The following DCDC2 variants were observed in gnomAD, a reference collection of about 807,000 sequenced individuals.
The protein encoded by DCDC2 is doublecortin domain-containing protein 2.
A neutral mutation model predicts 50.2 loss-of-function variants in DCDC2; 40 were observed. The ratio of observed to expected loss-of-function variants is 0.80; its 90% CI spans 0.62 to 1.04. The LOEUF (loss-of-function observed/expected upper bound fraction) is 1.04. DCDC2 is among the 50% of genes least tolerant of loss of function. The pLI is 0.00. For missense variants in DCDC2, 570 were observed against 581.9 expected (o/e 0.98, Z 0.21); for synonymous variants, 234 against 210.6 (o/e 1.11, Z -0.96).
intron 7 of DCDC2, among the ~76,000 whole-genome samples, chr6:24,258,813 C>T (rs1762950343): frequency 6.6e-6 from 1 of 152,150 alleles, no homozygotes; most frequent in Non-Finnish European, 1.5e-5. Flanking sequence ...GCTCACCTGC[C>T]TCAACCAATC....
chr6:24,360,315 C>A (rs947822698), upstream of DCDC2, among the ~76,000 whole-genome samples: 2 of 152,154 alleles, frequency 1.3e-5, no homozygotes, highest in Admixed American at 6.5e-5. Flanking sequence ...ATTCATCATG[C>A]GCTCATTCAG....
At chr6:24,248,714 T>G (rs73726632) in intron 7 of DCDC2, among the ~76,000 whole-genome samples, 9,656 of 152,230 alleles carry the variant, frequency 0.063, 573 homozygotes, top group East Asian at 0.36. Flanking sequence ...ATTGATGACT[T>G]ACCCAGATGA....
At position 24,302,132 on chromosome 6, in the gene DCDC2, A is replaced by G. The variant is rs10223520; in HGVS notation, c.349-88T>C. ...GAGGAAAATCTACAGTTTCTAGGGA[A>G]CTGCCTGAGACTTCCTGTGCCTTTG... On this transcript the variant is annotated intron_variant, in intron 2 of 9. Transcript: ENST00000378454. 128 of 1,093,444 alleles carry G rather than the reference A, an allele frequency of 1.2e-4. 1 individual carries two copies. The African/African-American group carries it at 1.5e-3, about 13-fold the overall frequency. The allele number at this position is 1,093,444 out of a possible 1,614,324, so 67.7% of individuals were successfully genotyped here.
chr6:24,249,164 G>T (rs1762746157), intron 7 of DCDC2, among the ~76,000 whole-genome samples: 1 of 3,160 alleles, frequency 3.2e-4, no homozygotes, highest in Admixed American at 6.3e-3. Context: ...CTAAACAAAG[G>T]AATTAGAGTG....
chr6:24,358,119 G>A (rs1033948981), upstream of DCDC2: 1 of 583,074 alleles, frequency 1.7e-6, no homozygotes, highest in African/African-American at 1.9e-5. Context: ...GGGCAGGAGA[G>A]AGGAGGACGC....
At chr6:24,191,590 G>T (rs6456598) in intron 8 of DCDC2, among the ~76,000 whole-genome samples, 150,947 of 152,320 alleles carry the variant, frequency 0.99, 74,804 homozygotes, top group East Asian at 1. Flanking sequence ...TTGTTAGCCC[G>T]GTGCCAGCCA....
intron 4 of DCDC2, among the ~76,000 whole-genome samples, chr6:24,292,678 G>T (rs1048863409): frequency 6.6e-6 from 1 of 152,182 alleles, no homozygotes; most frequent in African/African-American, 2.4e-5. Context: ...GACCAGCCTG[G>T]GCAACATAGT....
chr6:24,229,685 T>C (rs938582402), intron 7 of DCDC2, among the ~76,000 whole-genome samples: 5 of 152,218 alleles, frequency 3.3e-5, no homozygotes, highest in Non-Finnish European at 5.9e-5. Flanking sequence ...CAAATTCTAA[T>C]GACTTTTTAA....
At chr6:24,290,712 T>C (rs750742105) in intron 5 of DCDC2, among the ~76,000 whole-genome samples, 1 of 152,174 alleles carries the variant, frequency 6.6e-6, no homozygotes, top group African/African-American at 2.4e-5. Flanking sequence ...AAAAACCATG[T>C]AGTCTTTCAT....
chr6:24,275,781 CT>C lies in DCDC2; in HGVS notation c.922+2267del, dbSNP rs564439817. ...ATACTATTTGCTTCAATAATAAACA[CT>C]TTTTTTTATCTTCATGCCCACCAAC... On this transcript the variant is annotated intron_variant, in intron 7 of 9. Coordinates refer to ENST00000378454, the MANE Select transcript of DCDC2 (RefSeq NM_016356.5). Among the ~76,000 whole-genome samples, 27 of 151,024 alleles carry C rather than the reference CT, an allele frequency of 1.8e-4. No homozygotes were observed. In the South Asian group the frequency reaches 3.4e-3, roughly 19 times the overall value.
chr6:24,346,323 T>G (rs967343979), intron 2 of DCDC2, among the ~76,000 whole-genome samples: 5 of 152,136 alleles, frequency 3.3e-5, no homozygotes, highest in Non-Finnish European at 7.3e-5. Context: ...CCAAGAAGCA[T>G]GGCCACAGGC....
chr6:24,218,312 C>T (rs1762023830), intron 7 of DCDC2, among the ~76,000 whole-genome samples: 2 of 152,070 alleles, frequency 1.3e-5, no homozygotes, highest in South Asian at 2.1e-4. Flanking sequence ...TCAAAACAAA[C>T]CAGCCAGCAT....
intron 2 of DCDC2, among the ~76,000 whole-genome samples, chr6:24,327,986 A>G (rs2127237154): frequency 6.6e-6 from 1 of 152,348 alleles, no homozygotes; most frequent in East Asian, 1.9e-4. Flanking sequence ...AAGCACAAAG[A>G]AATGAGATTC....
intron 8 of DCDC2, among the ~76,000 whole-genome samples, chr6:24,188,119 G>C (rs79347919): frequency 0.015 from 2,283 of 152,280 alleles, 53 homozygotes; most frequent in African/African-American, 0.052. Flanking sequence ...ACTGTCACCT[G>C]GGGACCTTGT....
chr6:24,260,580 G>C (rs1018343362), intron 7 of DCDC2, among the ~76,000 whole-genome samples: 2 of 152,148 alleles, frequency 1.3e-5, no homozygotes, highest in African/African-American at 4.8e-5. Flanking sequence ...TTGAACAGCT[G>C]CCTTATATCC....
At chr6:24,246,611 G>A (rs527430552) in intron 7 of DCDC2, among the ~76,000 whole-genome samples, 261 of 146,116 alleles carry the variant, frequency 1.8e-3, no homozygotes, top group Non-Finnish European at 2.4e-3. Context: ...CTCAGCCTCC[G>A]GAGTAGCTGG....
At position 24,342,353 on chromosome 6, in the gene DCDC2, C is replaced by T. The variant is rs554932168; in HGVS notation, c.348+11216G>A. 1.1e-4 allele frequency among the ~76,000 whole-genome samples: 16 copies of T among 152,260 alleles called. 1 individual carries two copies. In the East Asian group the frequency reaches 2.7e-3, roughly 26 times the overall value. ...ACTGTAAGTCAGAAAATCACAGCAT[C>T]GCATGTTTATTTGCATGGAAGAACT... On this transcript the variant is annotated intron_variant, in intron 2 of 9. Coordinates refer to ENST00000378454, the MANE Select transcript of DCDC2 (RefSeq NM_016356.5).
the DCDC2 span, among the ~76,000 whole-genome samples, chr6:24,372,069 C>A: frequency 9.2e-5 from 14 of 152,160 alleles, no homozygotes; most frequent in African/African-American, 2.7e-4. Context: ...GGCAATTCCT[C>A]AGGGATCTAG....
rs1290591226 is a variant in DCDC2 at position 24,236,072 on chromosome 6, T to C, written c.923-30970A>G. 2.6e-5 allele frequency among the ~76,000 whole-genome samples: 4 copies of C among 151,908 alleles called. No homozygotes were observed. In the East Asian group the frequency reaches 5.8e-4, roughly 22 times the overall value. The stretch of plus-strand genomic sequence containing the variant: ...CATTTCTGTCTGACATCATTTTTCA[T>C]AGAATTAGGAAAAAAAAAATTCTAA... On this transcript the variant is annotated intron_variant, in intron 7 of 9. Coordinates refer to ENST00000378454, the MANE Select transcript of DCDC2 (RefSeq NM_016356.5).
Sources: allele counts gnomAD v4.1 joint callset (sites outside exome capture counted in the v4.1 genomes callset), GRCh38; gene constraint gnomAD v4.1.1; transcripts MANE v1.5; gene names NCBI Gene and HGNC (gene_info 2026-07-23, HGNC 2026-07-21).